The following CCNJL variants were observed in gnomAD, a reference collection of about 807,000 sequenced individuals.
The protein encoded by CCNJL is cyclin J like, also known as cyclin-J-like protein.
CCNJL carries 33 observed loss-of-function variants against 33.4 expected under a neutral mutation model. That is an observed-to-expected ratio of 0.99 (90% CI 0.75 to 1.32). CCNJL has a LOEUF of 1.32. Among genes scored for constraint, CCNJL ranks in the 40% most tolerant of loss-of-function variants. CCNJL has a pLI of 0.00. For synonymous variants in CCNJL, 227 were observed against 220.9 expected (o/e 1.03, Z -0.24); for missense variants, 512 against 499.7 (o/e 1.02, Z -0.23).
At chr5:160,281,082 G>C (rs1382842484) in intron 2 of CCNJL, 1 of 365,210 alleles carries the variant, frequency 2.7e-6, no homozygotes, top group Non-Finnish European at 5.2e-6. Flanking sequence ...TTCCCCTAGG[G>C]TCTGGTCTGA....
chr5:160,314,922 A>G (rs569915851), upstream of CCNJL, among the ~76,000 whole-genome samples: 2 of 152,358 alleles, frequency 1.3e-5, no homozygotes, highest in East Asian at 3.9e-4. Context: ...TGTTGGGAAT[A>G]TAAATTAAGA....
At chr5:160,290,628 A>T (rs1762552480) in intron 2 of CCNJL, among the ~76,000 whole-genome samples, 1 of 151,920 alleles carries the variant, frequency 6.6e-6, no homozygotes, top group Non-Finnish European at 1.5e-5. Context: ...CCCCCCAAGC[A>T]CCTAGGACTT....
chr5:160,254,261 CG>C, intron 5 of CCNJL: 1 of 571,446 alleles, frequency 1.7e-6, no homozygotes, highest in South Asian at 2.3e-5. Context: ...CCATCCCCAG[CG>C]GGGTCACTCC....
At chr5:160,287,795 G>A (rs1196809315) in intron 2 of CCNJL, among the ~76,000 whole-genome samples, 1 of 152,186 alleles carries the variant, frequency 6.6e-6, no homozygotes, top group South Asian at 2.1e-4. Flanking sequence ...GGGCGGGCAG[G>A]AACCTGGCCA....
At chr5:160,321,769 T>C (rs1264355727) in intron 1 of CCNJL, among the ~76,000 whole-genome samples, 1 of 151,962 alleles carries the variant, frequency 6.6e-6, no homozygotes, top group Admixed American at 6.6e-5. Flanking sequence ...CTGTCTCCAC[T>C]AAAAAAATAC....
chr5:160,255,805 G>A, intron 4 of CCNJL, 97 bp from the exon 5 acceptor site: 1 of 985,028 alleles, frequency 1.0e-6, no homozygotes, highest in Non-Finnish European at 1.6e-6. Context: ...CGCTTTCAAG[G>A]CTTTTCATCG....
At chr5:160,294,117 G>A (rs1055132535) in intron 2 of CCNJL, among the ~76,000 whole-genome samples, 1 of 152,156 alleles carries the variant, frequency 6.6e-6, no homozygotes, top group Non-Finnish European at 1.5e-5. Flanking sequence ...CAAATGTAAA[G>A]TGGCAAAGAA....
At chr5:160,332,232 CT>C (rs1302332143) in intron 1 of CCNJL, among the ~76,000 whole-genome samples, 2 of 152,308 alleles carry the variant, frequency 1.3e-5, no homozygotes, top group African/African-American at 4.8e-5. Context: ...CCCACACATG[CT>C]GCCTGCTTTC....
At chr5:160,283,081 C>T (rs1415128451) in intron 2 of CCNJL, among the ~76,000 whole-genome samples, 2 of 144,266 alleles carry the variant, frequency 1.4e-5, no homozygotes, top group Non-Finnish European at 3.0e-5. Context: ...TGAATACTCA[C>T]AGCAGCATCA....
rs1051003644 is a variant in CCNJL, at chr5:160,271,402, T to A, written c.280+9123A>T. On this transcript the variant is annotated intron_variant, in intron 3 of 5. Transcript: ENST00000257536. ...AAAAAGCCATGCAGAGCCCGGAAAG[T>A]TAGGCCCTGGACAAACAGGTCTGGG... Among the ~76,000 whole-genome samples, 6 of 152,246 alleles carry A rather than the reference T, an allele frequency of 3.9e-5. No homozygotes were observed. The South Asian group carries it at 1.0e-3, about 26-fold the overall frequency.
rs1254774306 is a variant in CCNJL, at chr5:160,282,987, A to ATG, written c.67-2250_67-2249insCA. ...TTGGAATATATATATATATATATAT[A>ATG]TATATATATATATATATATATACAT... On this transcript the variant is annotated intron_variant, in intron 2 of 5. Transcript: ENST00000257536. Among the ~76,000 whole-genome samples, 199 of 58,144 alleles carry ATG rather than the reference A, an allele frequency of 3.4e-3. 2 individuals carry two copies. In the Middle Eastern group the frequency reaches 0.035, roughly 10 times the overall value. The allele number at this position is 58,144 out of a possible 152,430, so 38.1% of individuals were successfully genotyped here. A position where few individuals can be genotyped will look rare whatever the true frequency, so the allele number is the denominator to read the frequency against.
intron 1 of CCNJL, among the ~76,000 whole-genome samples, chr5:160,321,503 T>A (rs535586958): frequency 2.0e-5 from 3 of 152,166 alleles, no homozygotes; most frequent in Non-Finnish European, 4.4e-5. Context: ...AGACCCAAAG[T>A]TCAAGAGCCA....
At chr5:160,275,272 G>T (rs1455952393) in intron 3 of CCNJL, among the ~76,000 whole-genome samples, 2 of 151,864 alleles carry the variant, frequency 1.3e-5, no homozygotes, top group African/African-American at 4.8e-5. Flanking sequence ...TTTTAGTAGA[G>T]AGGGGGTTTC....
chr5:160,302,825 A>AAT (rs1554123301), intron 2 of CCNJL, among the ~76,000 whole-genome samples: 6 of 151,144 alleles, frequency 4.0e-5, no homozygotes, highest in Non-Finnish European at 7.4e-5. Flanking sequence ...AAAAAAAAAA[A>AAT]AATAATAATA....
At chr5:160,338,483 G>C (rs1158150460) in intron 1 of CCNJL, among the ~76,000 whole-genome samples, 1 of 150,602 alleles carries the variant, frequency 6.6e-6, no homozygotes, top group Non-Finnish European at 1.5e-5. Context: ...GTGTCCCCTT[G>C]GTTTGTAAAC....
In CCNJL at chr5:160,301,602, T is replaced by G. The variant is rs562319343; in HGVS notation, c.66+10256A>C. Among the ~76,000 whole-genome samples the G allele has an allele frequency of 9.4e-4, 141 of 150,474 alleles. 1 individual carries two copies. The highest frequency in any genetic ancestry group is 3.4e-3 in the African/African-American group (138 of 40,454). On this transcript the variant is annotated intron_variant, in intron 2 of 5. Coordinates refer to ENST00000257536, the MANE Select transcript of CCNJL (RefSeq NM_001308173.3). ...GCATGTGCCACCACGCCCAGCAATTTTTTTGTTTATTTTTAGTAGAGATGG... is the reference window on the plus strand; with the variant it reads ...GCATGTGCCACCACGCCCAGCAATTGTTTTGTTTATTTTTAGTAGAGATGG...
intron 2 of CCNJL, among the ~76,000 whole-genome samples, chr5:160,295,131 G>A (rs1005529305): frequency 1.3e-5 from 2 of 152,196 alleles, no homozygotes; most frequent in South Asian, 2.1e-4. Flanking sequence ...GTTCCCCCCC[G>A]TACTGGGATG....
At position 160,295,548 on chromosome 5, in the gene CCNJL, CA is replaced by C. The variant is rs562865163; in HGVS notation, c.67-14811del. On this transcript the variant is annotated intron_variant, in intron 2 of 5. Transcript: ENST00000257536. ...AGATGCAATCAAGTTAAAATGAGGT[CA>C]TATTAGATCAGGATAGGCGCTAATC... Among the ~76,000 whole-genome samples, 300 of 152,166 alleles carry C rather than the reference CA, an allele frequency of 2.0e-3. 3 individuals are homozygous for C. The highest frequency in any genetic ancestry group is 6.8e-3 in the African/African-American group (282 of 41,516).
intron 2 of CCNJL, among the ~76,000 whole-genome samples, chr5:160,305,816 T>C (rs1451682559): frequency 3.9e-5 from 6 of 152,156 alleles, no homozygotes; most frequent in Non-Finnish European, 1.5e-5. Flanking sequence ...GTAAATAAGA[T>C]AATATATGGG....
Sources: allele counts gnomAD v4.1 joint callset (sites outside exome capture counted in the v4.1 genomes callset), GRCh38; gene constraint gnomAD v4.1.1; transcripts MANE v1.5; gene names NCBI Gene and HGNC (gene_info 2026-07-23, HGNC 2026-07-21).